Variants in VSIG1 observed in about 807,000 individuals in gnomAD.
VSIG1 encodes the protein V-set and immunoglobulin domain containing 1.
Under a neutral mutation model 20.1 loss-of-function variants are expected in VSIG1, and 11 were observed. That is an observed-to-expected ratio of 0.55 (90% CI 0.34 to 0.91). The LOEUF (loss-of-function observed/expected upper bound fraction) is 0.91, where lower values mean the gene tolerates loss of function less well. Ranked by LOEUF, VSIG1 falls within the 40% of genes least tolerant of loss-of-function variation. The pLI is 0.02. For missense variants in VSIG1, 283 were observed against 298.8 expected (o/e 0.95, Z 0.39); for synonymous variants, 126 against 116.7 (o/e 1.08, Z -0.52).
chrX:108,042,960 A>G (rs1488216618), upstream of VSIG1, among the ~76,000 whole-genome samples: 2 of 110,914 alleles, frequency 1.8e-5, no homozygotes, highest in Non-Finnish European at 3.8e-5. Flanking sequence ...TACAGGGGAA[A>G]GGGAGGGTTT....
At chrX:108,058,713 C>T (rs754797427) in intron 2 of VSIG1, among the ~76,000 whole-genome samples, 74 of 111,222 alleles carry the variant, frequency 6.7e-4, no homozygotes, top group African/African-American at 2.3e-3. Context: ...ATGAACCCTG[C>T]GTAGTTCATC....
chrX:108,066,503 A>G (rs1244316225), intron 2 of VSIG1, among the ~76,000 whole-genome samples: 2 of 111,720 alleles, frequency 1.8e-5, no homozygotes, highest in African/African-American at 6.5e-5. Flanking sequence ...CTCACTGGGT[A>G]AGGTAAATTC....
At chrX:108,069,205 T>G (rs965943609) in intron 3 of VSIG1, among the ~76,000 whole-genome samples, 3 of 111,257 alleles carry the variant, frequency 2.7e-5, no homozygotes, top group Non-Finnish European at 5.7e-5. Flanking sequence ...CCATAAGAAG[T>G]TGAGGGTCAC....
the VSIG1 span, among the ~76,000 whole-genome samples, chrX:108,023,615 G>T: frequency 1.8e-5 from 2 of 111,418 alleles, no homozygotes; most frequent in East Asian, 5.6e-4. Context: ...TTATTACTGA[G>T]TGTCTCAATT....
chrX:108,049,212 TTA>T (rs1221474452), intron 1 of VSIG1, among the ~76,000 whole-genome samples: 1 of 112,592 alleles, frequency 8.9e-6, no homozygotes, highest in East Asian at 2.8e-4. Flanking sequence ...CAAGGTGATA[TTA>T]TTAAACTTTT....
In VSIG1 at chrX:108,073,325, A is replaced by G. The variant is rs1401390362; in HGVS notation, c.644A>G (p.Asn215Ser). The change falls in exon 5 of 7, where the codon AAC (asparagine) becomes AGC (serine). Residue 215 changes from asparagine to serine, a missense_variant. By Grantham distance (46) the Asn-to-Ser change is conservative. Transcript: ENST00000217957. ...EQGYYQCTAINRLGNSSCEID... is the reference protein window; with the variant it reads ...EQGYYQCTAISRLGNSSCEID... ...GGTTATTACCAGTGTACTGCCATCAACAGACTTGGCAATAGTTCCTGCGAA... is the reference window on the plus strand; with the variant it reads ...GGTTATTACCAGTGTACTGCCATCAGCAGACTTGGCAATAGTTCCTGCGAA... The G allele has an allele frequency of 8.3e-7, 1 of 1,209,527 alleles. No individual in the cohort carries two copies. Among genetic ancestry groups the G allele is most frequent in the Non-Finnish European group, 1.1e-6 (1 of 894,702 alleles).
chrX:108,031,723 TTTG>T, the VSIG1 span, among the ~76,000 whole-genome samples: 1 of 112,705 alleles, frequency 8.9e-6, no homozygotes, highest in African/African-American at 3.2e-5. Flanking sequence ...TTATAGTGTT[TTTG>T]TTGTTTAAAT....
the VSIG1 span, among the ~76,000 whole-genome samples, chrX:108,039,145 A>G: frequency 9.0e-6 from 1 of 111,176 alleles, no homozygotes; most frequent in Non-Finnish European, 1.9e-5. Context: ...TACTTCACAC[A>G]TGGGCTATAC....
intron 1 of VSIG1, among the ~76,000 whole-genome samples, chrX:108,049,022 A>G (rs1254838774): frequency 8.9e-6 from 1 of 112,316 alleles, no homozygotes; most frequent in Non-Finnish European, 1.9e-5. Context: ...ATGGTTGGAC[A>G]ATGTCTGAAA....
At chrX:108,036,167 G>A in the VSIG1 span, among the ~76,000 whole-genome samples, 1 of 104,320 alleles carries the variant, frequency 9.6e-6, no homozygotes, top group African/African-American at 3.5e-5. Flanking sequence ...CCAAAAGGAT[G>A]TCTGTTTTTT....
intron 1 of VSIG1, among the ~76,000 whole-genome samples, chrX:108,047,757 C>G (rs762633845): frequency 1.1e-3 from 99 of 86,565 alleles, no homozygotes; most frequent in Non-Finnish European, 2.0e-3. Context: ...CACCAAAATA[C>G]AAGACATTCT....
the VSIG1 span, among the ~76,000 whole-genome samples, chrX:108,031,639 G>A: frequency 3.6e-5 from 4 of 112,262 alleles, no homozygotes; most frequent in Non-Finnish European, 7.5e-5. Flanking sequence ...ATATTTTAAT[G>A]TTTAAAATAT....
intron 2 of VSIG1, among the ~76,000 whole-genome samples, chrX:108,060,180 T>G (rs1485850220): frequency 8.9e-6 from 1 of 112,174 alleles, no homozygotes; most frequent in Non-Finnish European, 1.9e-5. Flanking sequence ...AAATATTTAT[T>G]GAGTAGCTTA....
chrX:108,071,314 A>C (rs1180269309), intron 3 of VSIG1, among the ~76,000 whole-genome samples: 1 of 111,918 alleles, frequency 8.9e-6, no homozygotes, highest in African/African-American at 3.2e-5. Flanking sequence ...AGAAATTTAC[A>C]TCATTGTCTG....
At chrX:108,041,727 C>T (rs55797928), upstream of VSIG1, among the ~76,000 whole-genome samples, 36,157 of 105,039 alleles carry the variant, frequency 0.34, 5,191 homozygotes, top group Non-Finnish European at 0.41. Context: ...CTTTGAAAAC[C>T]ATTTACTATC....
chrX:108,053,628 A>G (rs1361886749), intron 1 of VSIG1, among the ~76,000 whole-genome samples: 2 of 111,935 alleles, frequency 1.8e-5, no homozygotes, highest in Non-Finnish European at 3.8e-5. Flanking sequence ...CAAGAATAAT[A>G]TATCAATAAT....
upstream of VSIG1, among the ~76,000 whole-genome samples, chrX:108,044,233 C>G (rs1378176301): frequency 1.8e-5 from 2 of 111,390 alleles, no homozygotes; most frequent in Non-Finnish European, 3.8e-5. Flanking sequence ...AGAGAAAGTC[C>G]TTAGGTTTCT....
intron 1 of VSIG1, among the ~76,000 whole-genome samples, chrX:108,049,736 C>T (rs1487453270): frequency 2.7e-5 from 3 of 111,786 alleles, no homozygotes; most frequent in African/African-American, 9.8e-5. Flanking sequence ...ACCAAAACCC[C>T]AGTTTTATCC....
Position 108,072,687 on chromosome X carries a change from T to C in VSIG1, c.423T>C (p.Ser141=), listed in dbSNP as rs939901174. 16 of 1,209,334 alleles carry C rather than the reference T, an allele frequency of 1.3e-5. No homozygotes were observed. The Admixed American group carries it at 2.6e-4, about 20-fold the overall frequency. ...ILNVSVLVKP[S]KPLCSVQGRP... ...GTCATTGCCTTACAGTGAAACCTTC[T>C]AAGCCCCTTTGTAGCGTTCAAGGAA... Residue 141 remains serine, a synonymous_variant, in exon 4 of 7, where the codon TCT becomes TCC. Transcript: ENST00000217957.
Sources: gnomAD v4.1 joint callset for allele counts (sites outside exome capture counted in the v4.1 genomes callset) on GRCh38, gnomAD v4.1.1 for gene constraint, MANE v1.5 for transcripts, NCBI Gene and HGNC (gene_info 2026-07-23, HGNC 2026-07-21) for gene names.